MICU2: variants seen among roughly 807,000 people sequenced by gnomAD.
MICU2 encodes calcium uptake protein 2, mitochondrial.
In MICU2, 64 loss-of-function variants were observed where a neutral mutation model predicts 60.4. The ratio of observed to expected loss-of-function variants is 1.06; its 90% CI spans 0.87 to 1.31. The LOEUF is 1.31. Among genes scored for constraint, MICU2 ranks in the 50% most tolerant of loss-of-function variants. The pLI is 0.00. For missense variants in MICU2, 569 were observed against 531.0 expected (o/e 1.07, Z -0.70); for synonymous variants, 201 against 175.0 (o/e 1.15, Z -1.17).
At chr13:21,508,519 C>G (rs1432276365) in intron 8 of MICU2, among the ~76,000 whole-genome samples, 1 of 152,148 alleles carries the variant, frequency 6.6e-6, no homozygotes, top group African/African-American at 2.4e-5. Context: ...CACATCTGAC[C>G]AAATACCCTT....
Position 21,571,706 on chromosome 13 carries a change from A to G in MICU2, c.211-4762T>C, listed in dbSNP as rs184270909. 4.9e-3 allele frequency among the ~76,000 whole-genome samples: 747 copies of G among 152,166 alleles called. 9 individuals carry two copies. The highest frequency in any genetic ancestry group is 0.017 in the African/African-American group (686 of 41,510). ...GAGCGAGACTGCGTCTCAAAAGGGG[A>G]AAAAAAAGAAAGGCAAAACAGAGTA... On this transcript the variant is annotated intron_variant, in intron 1 of 11. Transcript: ENST00000382374.
intron 2 of MICU2, among the ~76,000 whole-genome samples, chr13:21,553,809 T>A (rs1469854616): frequency 1.3e-5 from 2 of 151,902 alleles, no homozygotes; most frequent in African/African-American, 4.8e-5. Flanking sequence ...GAGACACACA[T>A]AGGCTCAAAA....
intron 2 of MICU2, among the ~76,000 whole-genome samples, chr13:21,547,024 ATG>A (rs1249453677): frequency 6.6e-6 from 1 of 152,118 alleles, no homozygotes; most frequent in Non-Finnish European, 1.5e-5. Flanking sequence ...ATCCAGTACA[ATG>A]TTGAAGACAA....
intron 1 of MICU2, among the ~76,000 whole-genome samples, chr13:21,576,760 C>G (rs1223130959): frequency 6.6e-6 from 1 of 152,188 alleles, no homozygotes; most frequent in African/African-American, 2.4e-5. Context: ...TGAATACTGA[C>G]TGATAGCAGT....
intron 9 of MICU2, among the ~76,000 whole-genome samples, chr13:21,498,596 C>G (rs1250662143): frequency 1.3e-5 from 2 of 151,996 alleles, no homozygotes; most frequent in African/African-American, 4.8e-5. Context: ...TCAGGCTGGT[C>G]TCAAACTCCT....
chr13:21,538,947 C>T (rs1482833515), intron 4 of MICU2, among the ~76,000 whole-genome samples: 2 of 152,078 alleles, frequency 1.3e-5, no homozygotes, highest in South Asian at 2.1e-4. Context: ...TTCTTTAACA[C>T]TTTCTCTGCT....
intron 1 of MICU2, among the ~76,000 whole-genome samples, chr13:21,584,003 C>A (rs1393050980): frequency 2.0e-5 from 3 of 152,160 alleles, no homozygotes; most frequent in African/African-American, 7.2e-5. Context: ...AGATGTGCTG[C>A]ATTATTCATA....
chr13:21,519,898 G>A (rs953199132), intron 6 of MICU2, among the ~76,000 whole-genome samples: 1 of 152,158 alleles, frequency 6.6e-6, no homozygotes, highest in African/African-American at 2.4e-5. Flanking sequence ...TTGCTTTCAG[G>A]ATCATGCACC....
chr13:21,520,584 AG>A (rs1886692084), intron 6 of MICU2, among the ~76,000 whole-genome samples: 1 of 152,100 alleles, frequency 6.6e-6, no homozygotes, highest in Non-Finnish European at 1.5e-5. Flanking sequence ...TTTCTCCATA[AG>A]GCACTGCAAT....
At chr13:21,540,982 A>T (rs1290493252) in intron 2 of MICU2, among the ~76,000 whole-genome samples, 1 of 152,172 alleles carries the variant, frequency 6.6e-6, no homozygotes, top group South Asian at 2.1e-4. Context: ...TGCTTGTCCT[A>T]AAGTTACGCC....
intron 11 of MICU2, among the ~76,000 whole-genome samples, chr13:21,494,016 T>G (rs776372200): frequency 1.3e-5 from 2 of 152,160 alleles, no homozygotes; most frequent in Admixed American, 6.5e-5. Flanking sequence ...CTTTTTCTTA[T>G]GACTGATTTA....
chr13:21,538,562 C>CAA (rs71650194), intron 4 of MICU2, among the ~76,000 whole-genome samples: 44,771 of 101,922 alleles, frequency 0.44, 10,261 homozygotes, highest in East Asian at 0.67. Flanking sequence ...GACCCTGTCT[C>CAA]AAAAAAAAAA....
intron 2 of MICU2, among the ~76,000 whole-genome samples, chr13:21,556,972 T>G (rs1242304909): frequency 6.6e-6 from 1 of 152,158 alleles, no homozygotes; most frequent in Admixed American, 6.6e-5. Context: ...GACAGCAGGC[T>G]AAGTCCGACA....
chr13:21,517,787 A>ACG (rs1345002997), intron 6 of MICU2, among the ~76,000 whole-genome samples: 8 of 95,094 alleles, frequency 8.4e-5, no homozygotes, highest in African/African-American at 2.8e-4. Context: ...ACACACACAC[A>ACG]CACACACACA....
In MICU2 at chr13:21,511,252, G is replaced by C. The variant is rs1431716529; in HGVS notation, c.664-1151C>G. 4.6e-5 allele frequency among the ~76,000 whole-genome samples: 7 copies of C among 152,154 alleles called. No individual in the cohort carries two copies. In the East Asian group the frequency reaches 1.4e-3, roughly 29 times the overall value. ...CAGGGGAAAAGATAAATTAGTTCCA[G>C]ATATGGTGGGAAGAGTATTAAGGAG... On this transcript the variant is annotated intron_variant, in intron 7 of 11. Coordinates refer to ENST00000382374, the MANE Select transcript of MICU2 (RefSeq NM_152726.3).
At chr13:21,494,240 G>C (rs2138123910) in intron 11 of MICU2, among the ~76,000 whole-genome samples, 1 of 152,232 alleles carries the variant, frequency 6.6e-6, no homozygotes, top group East Asian at 1.9e-4. Context: ...GCTTTTCTAA[G>C]TTGTAAATAG....
chr13:21,569,016 T>C (rs567371018), intron 1 of MICU2, among the ~76,000 whole-genome samples: 167 of 152,262 alleles, frequency 1.1e-3, no homozygotes, highest in Non-Finnish European at 1.9e-3. Flanking sequence ...GAGTGAACTG[T>C]CACTCCTTTG....
chr13:21,529,930 C>T (rs1886946438), intron 4 of MICU2, among the ~76,000 whole-genome samples: 1 of 152,128 alleles, frequency 6.6e-6, no homozygotes, highest in Non-Finnish European at 1.5e-5. Context: ...AGACCCCAAT[C>T]AGCGTGGGAT....
At chr13:21,555,259 C>T (rs1021704895) in intron 2 of MICU2, among the ~76,000 whole-genome samples, 1 of 152,098 alleles carries the variant, frequency 6.6e-6, no homozygotes, top group African/African-American at 2.4e-5. Flanking sequence ...AACACTGATG[C>T]AAAAATCCTC....
Sources: allele counts gnomAD v4.1 joint callset (sites outside exome capture counted in the v4.1 genomes callset), GRCh38; gene constraint gnomAD v4.1.1; transcripts MANE v1.5; gene names NCBI Gene and HGNC (gene_info 2026-07-23, HGNC 2026-07-21).